FRMD4B: variants seen among roughly 807,000 people sequenced by gnomAD.
FRMD4B encodes FERM domain containing 4B, also known as FERM domain-containing protein 4B.
A neutral mutation model predicts 141.5 loss-of-function variants in FRMD4B; 74 were observed. The observed-to-expected ratio is 0.52, with a 90% CI of 0.43 to 0.63. FRMD4B has a LOEUF of 0.63. FRMD4B is among the 30% of genes least tolerant of loss of function. The pLI, the probability that FRMD4B is intolerant of heterozygous loss-of-function variation, is 0.00. For missense variants in FRMD4B, 1,366 were observed against 1,253.4 expected, an observed-to-expected ratio of 1.09 and a Z score of -1.36; for synonymous variants, 506 against 467.9, an observed-to-expected ratio of 1.08 and a Z score of -1.05.
chr3:69,183,474 ATTTTTT>A (rs771537044), intron 19 of FRMD4B, among the ~76,000 whole-genome samples: 17 of 113,252 alleles, frequency 1.5e-4, no homozygotes, highest in African/African-American at 4.5e-4. Flanking sequence ...TTAGAAGTTA[ATTTTTT>A]TTTTTTTTTT....
chr3:69,363,681 A>C (rs917726761), intron 1 of FRMD4B, among the ~76,000 whole-genome samples: 4 of 152,066 alleles, frequency 2.6e-5, no homozygotes, highest in Admixed American at 2.0e-4. Context: ...GAGCCACTGC[A>C]CCTGGCCCAG....
At chr3:69,541,590 C>A (rs1227856793) in intron 1 of FRMD4B, among the ~76,000 whole-genome samples, 1 of 152,196 alleles carries the variant, frequency 6.6e-6, no homozygotes, top group Non-Finnish European at 1.5e-5. Flanking sequence ...AACGAAATGG[C>A]ATTTCTCAAA....
chr3:69,194,912 GGT>G (rs778927425), intron 16 of FRMD4B, 108 bp downstream of exon 16: 1 of 950,648 alleles, frequency 1.1e-6, no homozygotes, highest in Non-Finnish European at 1.6e-6. Context: ...CATCTGTACT[GGT>G]GAGATAACAT....
At chr3:69,464,448 G>C (rs1164588137) in intron 1 of FRMD4B, among the ~76,000 whole-genome samples, 1 of 152,162 alleles carries the variant, frequency 6.6e-6, no homozygotes, top group African/African-American at 2.4e-5. Context: ...GATTTCTAAG[G>C]CAGATAAGGC....
intron 1 of FRMD4B, among the ~76,000 whole-genome samples, chr3:69,347,168 C>G (rs1702975854): frequency 6.6e-6 from 1 of 152,102 alleles, no homozygotes; most frequent in African/African-American, 2.4e-5. Flanking sequence ...CAAAAAAAGG[C>G]AAGGGTTGCA....
chr3:69,439,160 C>T (rs896343590), intron 1 of FRMD4B, among the ~76,000 whole-genome samples: 1 of 152,090 alleles, frequency 6.6e-6, no homozygotes, highest in African/African-American at 2.4e-5. Context: ...TTATATTTTG[C>T]TCAACATGGT....
intron 1 of FRMD4B, among the ~76,000 whole-genome samples, chr3:69,329,039 A>G (rs1385581198): frequency 6.6e-6 from 1 of 152,138 alleles, no homozygotes; most frequent in Non-Finnish European, 1.5e-5. Context: ...GAGATCTAAG[A>G]ACTCTTGGGC....
At chr3:69,401,404 T>G (rs887703445) in intron 2 of FRMD4B, among the ~76,000 whole-genome samples, 7 of 152,204 alleles carry the variant, frequency 4.6e-5, no homozygotes, top group Non-Finnish European at 7.3e-5. Context: ...ATTCCTGAAG[T>G]TTTTTTATTC....
At chr3:69,296,659 A>C (rs184119618) in intron 4 of FRMD4B, among the ~76,000 whole-genome samples, 4 of 152,312 alleles carry the variant, frequency 2.6e-5, no homozygotes, top group African/African-American at 9.6e-5. Flanking sequence ...AAGTAGGAGA[A>C]TCAGTTGTTT....
intron 1 of FRMD4B, among the ~76,000 whole-genome samples, chr3:69,371,250 A>G (rs1703815313): frequency 6.6e-6 from 1 of 152,168 alleles, no homozygotes; most frequent in African/African-American, 2.4e-5. Context: ...TGTGCTTGGC[A>G]GGTTTGAGGG....
intron 1 of FRMD4B, among the ~76,000 whole-genome samples, chr3:69,314,597 G>A (rs1246469286): frequency 6.6e-6 from 1 of 151,784 alleles, no homozygotes; most frequent in Non-Finnish European, 1.5e-5. Flanking sequence ...ACTTTGGGGG[G>A]GCCAATCAGG....
chr3:69,202,089 G>C (rs1412937434), intron 11 of FRMD4B, among the ~76,000 whole-genome samples: 3 of 152,046 alleles, frequency 2.0e-5, no homozygotes, highest in African/African-American at 7.2e-5. Flanking sequence ...TATGCTCCCA[G>C]CTATTTGGGA....
At chr3:69,349,379 G>A (rs201354257) in intron 1 of FRMD4B, among the ~76,000 whole-genome samples, 3 of 152,142 alleles carry the variant, frequency 2.0e-5, no homozygotes, top group Admixed American at 6.5e-5. Flanking sequence ...AATCAATATC[G>A]TGAAAATGGC....
intron 17 of FRMD4B, among the ~76,000 whole-genome samples, chr3:69,191,274 G>T (rs1347580778): frequency 6.6e-6 from 1 of 152,118 alleles, no homozygotes; most frequent in Non-Finnish European, 1.5e-5. Context: ...ACAAAAATTA[G>T]CCAAGCATGG....
intron 2 of FRMD4B, among the ~76,000 whole-genome samples, chr3:69,429,062 T>A (rs1269838812): frequency 6.6e-6 from 1 of 151,926 alleles, no homozygotes; most frequent in East Asian, 1.9e-4. Flanking sequence ...TTTTTCCCTC[T>A]GTTACTTAAT....
chr3:69,486,926 G>C (rs934884709), intron 1 of FRMD4B, among the ~76,000 whole-genome samples: 6 of 152,110 alleles, frequency 3.9e-5, no homozygotes. Context: ...ATAAATAAAA[G>C]ACAAAACATG....
chr3:69,390,425 A>C (rs1254188496), upstream of FRMD4B, among the ~76,000 whole-genome samples: 1 of 152,202 alleles, frequency 6.6e-6, no homozygotes, highest in African/African-American at 2.4e-5. Context: ...GACATGTGGC[A>C]ATGTCAGAAG....
chr3:69,350,185 AAAG>A (rs1252125610), intron 1 of FRMD4B, among the ~76,000 whole-genome samples: 2 of 152,236 alleles, frequency 1.3e-5, no homozygotes, highest in Non-Finnish European at 2.9e-5. Context: ...ACGCTTCTCA[AAAG>A]AAGACATTTA....
At chr3:69,248,362 G>A (rs375490106) in intron 7 of FRMD4B, among the ~76,000 whole-genome samples, 9 of 152,146 alleles carry the variant, frequency 5.9e-5, no homozygotes, top group Non-Finnish European at 8.8e-5. Flanking sequence ...TACCAAAGCC[G>A]AATGGGAAGA....
Sources: allele counts gnomAD v4.1 joint callset (sites outside exome capture counted in the v4.1 genomes callset), GRCh38; gene constraint gnomAD v4.1.1; transcripts MANE v1.5; gene names NCBI Gene and HGNC (gene_info 2026-07-23, HGNC 2026-07-21).